Variants in TRAK1 observed in about 807,000 individuals in gnomAD.
TRAK1 encodes the protein trafficking kinesin-binding protein 1.
A neutral mutation model predicts 92.1 loss-of-function variants in TRAK1; 33 were observed. That is an observed-to-expected ratio of 0.36 (90% CI 0.27 to 0.48). TRAK1 has a LOEUF of 0.48. Among genes scored for constraint, TRAK1 ranks in the 20% least tolerant of loss-of-function variants. The pLI is 0.99. For synonymous variants in TRAK1, 521 were observed against 517.3 expected (o/e 1.01, Z -0.10); for missense variants, 1,123 against 1,257.9 (o/e 0.89, Z 1.62).
At position 42,209,748 on chromosome 3, in the gene TRAK1, C is replaced by T. The variant is rs563440740; in HGVS notation, c.1745-19C>T. On this transcript the variant is annotated intron_variant, in intron 13 of 15. Coordinates refer to ENST00000327628, the MANE Select transcript of TRAK1 (RefSeq NM_001042646.3). ...CTCTTCTCCTTGTCCCCCTTCTTCCCTTCCCTTTCTCCTGCAAGGTTCCGC... is the reference window on the plus strand; with the variant it reads ...CTCTTCTCCTTGTCCCCCTTCTTCCTTTCCCTTTCTCCTGCAAGGTTCCGC... 8.8e-5 allele frequency: 142 copies of T among 1,610,100 alleles called. No homozygotes were observed. The African/African-American group carries it at 1.6e-3, about 18-fold the overall frequency.
At chr3:42,127,549 T>G (rs997540909) in intron 2 of TRAK1, among the ~76,000 whole-genome samples, 1 of 151,820 alleles carries the variant, frequency 6.6e-6, no homozygotes, top group Admixed American at 6.6e-5. Flanking sequence ...TTTGGAGAGA[T>G]GGGGTCTCCC....
chr3:42,087,719 C>T (rs1397121556), upstream of TRAK1, among the ~76,000 whole-genome samples: 1 of 152,214 alleles, frequency 6.6e-6, no homozygotes, highest in Middle Eastern at 3.2e-3. Flanking sequence ...CACAGGCACT[C>T]AGTGTATTGA....
At chr3:42,171,954 C>T (rs1423163007) in intron 2 of TRAK1, among the ~76,000 whole-genome samples, 1 of 152,174 alleles carries the variant, frequency 6.6e-6, no homozygotes, top group Non-Finnish European at 1.5e-5. Context: ...CCATGGAGCT[C>T]ACTCCACCTC....
At chr3:42,209,551 A>G (rs908939666) in intron 13 of TRAK1, among the ~76,000 whole-genome samples, 1 of 152,088 alleles carries the variant, frequency 6.6e-6, no homozygotes. Flanking sequence ...TTAACTTGCT[A>G]TTCCTTCTGA....
upstream of TRAK1, among the ~76,000 whole-genome samples, chr3:42,090,424 G>A (rs1008682105): frequency 6.6e-6 from 1 of 152,220 alleles, no homozygotes; most frequent in Non-Finnish European, 1.5e-5. Flanking sequence ...GGTGGCTCAC[G>A]CCTATGATCC....
chr3:42,212,374 C>T, intron 14 of TRAK1: 1 of 985,404 alleles, frequency 1.0e-6, no homozygotes, highest in Non-Finnish European at 1.2e-6. Context: ...GGTGATGAAC[C>T]TTTTTATGTG....
chr3:42,127,900 C>A (rs114149261), intron 2 of TRAK1, among the ~76,000 whole-genome samples: 2 of 152,032 alleles, frequency 1.3e-5, no homozygotes, highest in Non-Finnish European at 2.9e-5. Flanking sequence ...GACTTGAGGC[C>A]GGGCGTGGTG....
At position 42,046,908 on chromosome 3, in the gene TRAK1, A is replaced by G. The variant is rs1286382454; in HGVS notation, c.-519+32791A>G. On this transcript the variant is annotated intron_variant, in intron 1 of 16. Coordinates refer to the TRAK1 transcript ENST00000487159. ...CATGAGCTTTGGTATTTATTTCCTG[A>G]GTGCCCTGAAATTATTATTTTTTAA... Among the ~76,000 whole-genome samples the G allele has an allele frequency of 2.0e-5, 3 of 152,068 alleles. No individual in the cohort carries two copies. In the East Asian group the frequency reaches 5.8e-4, roughly 29 times the overall value.
intron 14 of TRAK1, 100 bp downstream of exon 14, chr3:42,210,085 CGGAGGA>C (rs10634555): frequency 8.0e-4 from 1,236 of 1,539,126 alleles, no homozygotes; most frequent in South Asian, 2.2e-3. Flanking sequence ...CCAGCGGCCA[CGGAGGA>C]GGAGGAGGAG....
intron 1 of TRAK1, among the ~76,000 whole-genome samples, chr3:42,095,118 C>CCCTT (rs1705709596): frequency 6.6e-6 from 1 of 152,216 alleles, no homozygotes; most frequent in Non-Finnish European, 1.5e-5. Context: ...ATGGCCCAGT[C>CCCTT]AAGGAGACAC....
chr3:42,210,417 A>G (rs1420035146), intron 14 of TRAK1: 2 of 1,305,850 alleles, frequency 1.5e-6, no homozygotes, highest in East Asian at 5.5e-5. Context: ...AAAAAAAAAA[A>G]AAAAAAAAGT....
At chr3:42,219,090 G>T in intron 14 of TRAK1, 1 of 985,358 alleles carries the variant, frequency 1.0e-6, no homozygotes, top group Non-Finnish European at 1.2e-6. Flanking sequence ...GCAGAGCTTT[G>T]GTAGCTGTTG....
chr3:42,176,689 C>T, intron 2 of TRAK1, 125 bp from the exon 3 acceptor site: 1 of 819,256 alleles, frequency 1.2e-6, no homozygotes, highest in Non-Finnish European at 2.1e-6. Flanking sequence ...GGGTTGAACC[C>T]AGCGAGCCAG....
At chr3:42,014,584 A>G (rs537186711) in intron 1 of TRAK1, among the ~76,000 whole-genome samples, 2 of 152,336 alleles carry the variant, frequency 1.3e-5, no homozygotes, top group South Asian at 2.1e-4. Flanking sequence ...TCCAAGGTCA[A>G]GCTCTTGCAG....
rs758630921 is a variant in TRAK1 at position 42,193,814 on chromosome 3, C to T, written c.901-10C>T. 6.2e-7 allele frequency: 1 copy of T among 1,613,998 alleles called. No individual in the cohort carries two copies. Among genetic ancestry groups the T allele is most frequent in the Non-Finnish European group, 8.5e-7 (1 of 1,179,960 alleles). On this transcript the variant is annotated splice_polypyrimidine_tract_variant and intron_variant, in intron 8 of 15. Coordinates refer to ENST00000327628, the MANE Select transcript of TRAK1 (RefSeq NM_001042646.3). ...ATCTTAGGAAGTGATCTATCTTTGC[C>T]ATGCTTTAGTGCGCAGTGGAAAATG...
intron 1 of TRAK1, among the ~76,000 whole-genome samples, chr3:42,025,441 T>C (rs1701877018): frequency 6.6e-6 from 1 of 152,240 alleles, no homozygotes; most frequent in South Asian, 2.1e-4. Context: ...ACTGAATTAA[T>C]TGGCACAATT....
intron 2 of TRAK1, among the ~76,000 whole-genome samples, chr3:42,175,311 T>C (rs919112209): frequency 6.6e-6 from 1 of 152,182 alleles, no homozygotes; most frequent in Non-Finnish European, 1.5e-5. Context: ...CTAACTCGGG[T>C]TGGTAGCATA....
intron 1 of TRAK1, among the ~76,000 whole-genome samples, chr3:42,023,847 G>A (rs560874669): frequency 1.2e-4 from 17 of 142,474 alleles, no homozygotes; most frequent in East Asian, 2.2e-4. Flanking sequence ...TCCGTCTCCC[G>A]GGTTCAAGCA....
intron 1 of TRAK1, among the ~76,000 whole-genome samples, chr3:42,060,787 CT>C (rs1160330870): frequency 7.0e-6 from 1 of 143,864 alleles, no homozygotes; most frequent in African/African-American, 2.7e-5. Context: ...GCCACCACTC[CT>C]GGCTGATTTT....
Sources: gnomAD v4.1 joint callset for allele counts (sites outside exome capture counted in the v4.1 genomes callset) on GRCh38, gnomAD v4.1.1 for gene constraint, MANE v1.5 for transcripts, NCBI Gene and HGNC (gene_info 2026-07-23, HGNC 2026-07-21) for gene names.